Variants in DISP1 observed in about 807,000 individuals in gnomAD.
DISP1 encodes dispatched RND transporter family member 1.
In DISP1, 30 loss-of-function variants were observed where a neutral mutation model predicts 37.3. The observed-to-expected ratio is 0.80, with a 90% confidence interval of 0.60 to 1.09. The LOEUF is 1.09. Among genes scored for constraint, DISP1 ranks in the 50% least tolerant of loss-of-function variants. DISP1 has a pLI of 0.00. For missense variants in DISP1, 1,598 were observed against 1,879.5 expected, an observed-to-expected ratio of 0.85 and a Z score of 2.77; for synonymous variants, 634 against 690.2, an observed-to-expected ratio of 0.92 and a Z score of 1.28.
intron 2 of DISP1, among the ~76,000 whole-genome samples, chr1:222,937,923 G>A (rs71644719): frequency 0.026 from 3,957 of 151,616 alleles, 78 homozygotes; most frequent in Middle Eastern, 0.055. Flanking sequence ...ACCCAGGCTG[G>A]AATGCAGTGG....
At chr1:222,875,654 T>TAA (rs1161033639) in intron 1 of DISP1, among the ~76,000 whole-genome samples, 13,196 of 93,494 alleles carry the variant, frequency 0.14, 1,167 homozygotes, top group South Asian at 0.18. Flanking sequence ...CTGTCTCTAC[T>TAA]AAAAAAAAAA....
chr1:222,870,508 C>T (rs909835801), intron 1 of DISP1, among the ~76,000 whole-genome samples: 5 of 152,114 alleles, frequency 3.3e-5, no homozygotes, highest in Non-Finnish European at 2.9e-5. Context: ...GGTATCTTAT[C>T]GTGGTTTTGA....
Position 223,003,311 on chromosome 1 carries a change from G to T in DISP1, c.1914G>T (p.Gly638=). The change falls in exon 9 of 9, where the codon GGG becomes GGT. Residue 638 remains glycine, a synonymous_variant. Coordinates refer to ENST00000675850, the MANE Select transcript of DISP1 (RefSeq NM_001377229.1). This position sits in a 1 kb window ranked among gnomAD's most constrained non-coding sequence, Gnocchi z 4.3. ...TCCGATGCTTTGGGGTTTATGCGGG[G>T]ACAGCTATATTGGTGAATTACGTTT... ...TAIRCFGVYA[G]TAILVNYVLM... is the part of the protein sequence containing the mutation. 1 of 1,614,140 alleles carries T rather than the reference G, an allele frequency of 6.2e-7. No individual in the cohort carries two copies. The highest frequency in any genetic ancestry group is 8.5e-7 in the Non-Finnish European group (1 of 1,180,040).
At chr1:222,967,022 C>G (rs1676546800) in intron 3 of DISP1, among the ~76,000 whole-genome samples, 1 of 152,092 alleles carries the variant, frequency 6.6e-6, no homozygotes, top group African/African-American at 2.4e-5. Flanking sequence ...CCCTTCAGGT[C>G]TGCTCTTACT....
At chr1:222,954,799 A>G (rs1230657311) in intron 3 of DISP1, among the ~76,000 whole-genome samples, 1 of 152,176 alleles carries the variant, frequency 6.6e-6, no homozygotes, top group Non-Finnish European at 1.5e-5. Flanking sequence ...ACTTGAGCCC[A>G]GGAGTTCAAG....
At chr1:222,863,485 C>T (rs1414041367) in intron 1 of DISP1, among the ~76,000 whole-genome samples, 1 of 150,820 alleles carries the variant, frequency 6.6e-6, no homozygotes, top group African/African-American at 2.4e-5. Flanking sequence ...TGTGGTGAGC[C>T]ATGATTCTAC....
intron 1 of DISP1, among the ~76,000 whole-genome samples, chr1:222,914,112 T>G (rs1424800847): frequency 1.3e-5 from 2 of 151,940 alleles, no homozygotes; most frequent in African/African-American, 4.8e-5. Context: ...CCTCTCTATT[T>G]GAAGTTAGTC....
At chr1:222,850,078 A>G (rs954043566) in intron 1 of DISP1, among the ~76,000 whole-genome samples, 4 of 152,182 alleles carry the variant, frequency 2.6e-5, no homozygotes, top group Non-Finnish European at 5.9e-5. Context: ...TTGAGCTGTA[A>G]AATGTATAAG....
At chr1:222,868,181 G>A (rs537512060) in intron 1 of DISP1, among the ~76,000 whole-genome samples, 1 of 151,918 alleles carries the variant, frequency 6.6e-6, no homozygotes, top group East Asian at 1.9e-4. Flanking sequence ...CCAGGAGTTC[G>A]AGTCCAGCCT....
At chr1:222,948,820 C>T (rs1231976068) in intron 3 of DISP1, among the ~76,000 whole-genome samples, 1 of 152,084 alleles carries the variant, frequency 6.6e-6, no homozygotes, top group East Asian at 1.9e-4. Context: ...GTTATTTGCA[C>T]CTATACCACA....
At chr1:222,999,868 G>C (rs941463960) in intron 8 of DISP1, among the ~76,000 whole-genome samples, 2 of 152,126 alleles carry the variant, frequency 1.3e-5, no homozygotes. Flanking sequence ...TCGAAAACTG[G>C]TTTTCCAAAG....
At chr1:222,926,700 C>G (rs1673104599) in intron 1 of DISP1, among the ~76,000 whole-genome samples, 1 of 152,146 alleles carries the variant, frequency 6.6e-6, no homozygotes, top group Non-Finnish European at 1.5e-5. Context: ...GGTATATTTT[C>G]TGTGTGTGAC....
Position 222,992,045 on chromosome 1 carries a change from A to G in DISP1, c.824A>G (p.Tyr275Cys), listed in dbSNP as rs757641681. The part of the protein sequence containing the change: ...HRDDRWSDDH[Y>C]EREKREVDWN... ...GATGATAGATGGTCAGATGATCATTATGAAAGAGAGAAAAGAGAAGTTGAC... is the reference window on the plus strand; with the variant it reads ...GATGATAGATGGTCAGATGATCATTGTGAAAGAGAGAAAAGAGAAGTTGAC... The change falls in exon 7 of 9, where the codon TAT becomes TGT. Residue 275 changes from tyrosine to cysteine, a missense_variant. Transcript: ENST00000675850. 1 of 1,614,016 alleles carries G rather than the reference A, an allele frequency of 6.2e-7. No individual in the cohort carries two copies. The highest frequency in any genetic ancestry group is 8.5e-7 in the Non-Finnish European group (1 of 1,179,894).
Position 222,893,358 on chromosome 1 carries a change from A to T in DISP1, c.-158-35072A>T, listed in dbSNP as rs1179499054. ...AACTGGAAACCTCTGTAGCTGGCGG[A>T]GCCTTCTTCCTGAGCACTGCTTGTG... On this transcript the variant is annotated intron_variant, in intron 1 of 8. Coordinates refer to ENST00000675850, the MANE Select transcript of DISP1 (RefSeq NM_001377229.1). The surrounding 1 kb of genome is among the most constrained non-coding windows in gnomAD (Gnocchi z 4.3). 6.6e-6 allele frequency among the ~76,000 whole-genome samples: 1 copy of T among 152,158 alleles called. No individual in the cohort carries two copies. The highest frequency in any genetic ancestry group is 2.4e-5 in the African/African-American group (1 of 41,440).
rs1410602213 is a variant in DISP1 at position 222,870,609 on chromosome 1, T to C, written c.-159+55531T>C. Among the ~76,000 whole-genome samples the C allele has an allele frequency of 4.6e-5, 7 of 152,366 alleles. No homozygotes were observed. The East Asian group carries it at 5.8e-4, about 13-fold the overall frequency. Reference sequence around the variant, plus strand: ...TCTTCTTTTGAGAAGTGTCTGTTCATATCCTTTGCCCACTTTTTGATGGGG... The same window carrying C: ...TCTTCTTTTGAGAAGTGTCTGTTCACATCCTTTGCCCACTTTTTGATGGGG... On this transcript the variant is annotated intron_variant, in intron 1 of 8. Coordinates refer to ENST00000675850, the MANE Select transcript of DISP1 (RefSeq NM_001377229.1).
chr1:222,949,310 C>G (rs1006292212), intron 3 of DISP1, among the ~76,000 whole-genome samples: 1 of 151,918 alleles, frequency 6.6e-6, no homozygotes, highest in Admixed American at 6.6e-5. Context: ...AGGAGAATTA[C>G]TTGAATCCGA....
At chr1:222,900,908 T>C (rs1386001264) in intron 1 of DISP1, among the ~76,000 whole-genome samples, 1 of 152,210 alleles carries the variant, frequency 6.6e-6, no homozygotes, top group Non-Finnish European at 1.5e-5. Flanking sequence ...ACTTGTTTTG[T>C]GTTATTTTTA....
At chr1:222,914,868 G>A (rs1422214993) in intron 1 of DISP1, among the ~76,000 whole-genome samples, 7 of 152,134 alleles carry the variant, frequency 4.6e-5, no homozygotes, top group African/African-American at 1.7e-4. Context: ...TCAGGAAGCT[G>A]AGGCAGGAGG....
chr1:222,887,539 C>T (rs1445422628), intron 1 of DISP1, among the ~76,000 whole-genome samples: 1 of 102,544 alleles, frequency 9.8e-6, no homozygotes, highest in Non-Finnish European at 2.2e-5. Context: ...TTGCCCAGGC[C>T]GGACTGCGGA....
Sources: allele counts gnomAD v4.1 joint callset (sites outside exome capture counted in the v4.1 genomes callset), GRCh38; gene constraint gnomAD v4.1.1; non-coding constraint Gnocchi (gnomAD v3.1); transcripts MANE v1.5; gene names NCBI Gene and HGNC (gene_info 2026-07-23, HGNC 2026-07-21).